The following PEAK1 variants were observed in gnomAD, a reference collection of about 807,000 sequenced individuals.
The protein encoded by PEAK1 is pseudopodium enriched atypical kinase 1.
Under a neutral mutation model 124.7 loss-of-function variants are expected in PEAK1, and 54 were observed. The observed-to-expected ratio is 0.43, with a 90% CI of 0.35 to 0.54. The LOEUF is 0.54. Ranked by LOEUF, PEAK1 falls within the 20% of genes least tolerant of loss-of-function variation. The probability of loss-of-function intolerance (pLI) is 0.01; values close to 1 mark genes in which losing one functional copy is unlikely to be tolerated. For synonymous variants in PEAK1, 719 were observed against 760.0 expected, an observed-to-expected ratio of 0.95 and a Z score of 0.89; for missense variants, 2,046 against 2,134.5, an observed-to-expected ratio of 0.96 and a Z score of 0.82.
chr15:77,155,275 A>G (rs528830338), intron 8 of PEAK1: 3 of 152,268 alleles, frequency 2.0e-5, no homozygotes, highest in East Asian at 1.9e-4. Context: ...AGTTGATCGC[A>G]TCGGCTCCTG....
intron 2 of PEAK1, among the ~76,000 whole-genome samples, chr15:77,341,918 A>G (rs2066559006): frequency 1.3e-5 from 2 of 152,280 alleles, no homozygotes; most frequent in South Asian, 4.2e-4. Context: ...GTAAAAATCT[A>G]AAACTGATCT....
intron 9 of PEAK1, among the ~76,000 whole-genome samples, chr15:77,130,554 G>T (rs1483490202): frequency 6.6e-6 from 1 of 152,188 alleles, no homozygotes; most frequent in African/African-American, 2.4e-5. Context: ...TTGATAGACA[G>T]GTAAGGCCAA....
intron 9 of PEAK1, among the ~76,000 whole-genome samples, chr15:77,120,507 T>C (rs1010230430): frequency 1.3e-5 from 2 of 152,202 alleles, no homozygotes; most frequent in Non-Finnish European, 1.5e-5. Flanking sequence ...GCATCTTCAC[T>C]CCCTATGGCT....
intron 6 of PEAK1, among the ~76,000 whole-genome samples, chr15:77,202,582 C>T (rs538491523): frequency 2.8e-4 from 42 of 151,576 alleles, no homozygotes; most frequent in Admixed American, 7.9e-4. Flanking sequence ...CTGGTTAACA[C>T]GGTGAAACCC....
At position 77,180,039 on chromosome 15, in the gene PEAK1, TAACAATGGGAAC is replaced by T. The variant is rs1477352529; in HGVS notation, c.1876_1887del (p.Val626_Val629del). On this transcript the variant is annotated inframe_deletion, in exon 7 of 10. Transcript: ENST00000682557. ...AGATTGTCATATGCATTTGGATTGATAACAATGGGAACTTTGATAGCATTTTTGGAACTCCGA... is the reference window on the plus strand; with the variant it reads ...AGATTGTCATATGCATTTGGATTGATTTTGATAGCATTTTTGGAACTCCGA... The T allele has an allele frequency of 6.2e-7, 1 of 1,614,080 alleles. No individual in the cohort carries two copies. The highest frequency in any genetic ancestry group is 8.5e-7 in the Non-Finnish European group (1 of 1,179,926).
At position 77,179,167 on chromosome 15, in the gene PEAK1, T is replaced by C; in HGVS notation, c.2760A>G (p.Ala920=). 2 of 1,614,184 alleles carry C rather than the reference T, an allele frequency of 1.2e-6. No homozygotes were observed. Among genetic ancestry groups the C allele is most frequent in the Non-Finnish European group, 1.7e-6 (2 of 1,180,028 alleles). The part of the protein sequence containing the change: ...HSEGSRRAAD[A]KPKRWISFKS... ...TAAATGATATCCAGCGCTTAGGTTTTGCATCAGCTGCCCGCCTGCTGCCTT... is the reference window on the plus strand; with the variant it reads ...TAAATGATATCCAGCGCTTAGGTTTCGCATCAGCTGCCCGCCTGCTGCCTT... The change falls in exon 7 of 10, where the codon GCA becomes GCG. Residue 920 remains alanine, a synonymous_variant. Transcript: ENST00000682557.
intron 6 of PEAK1, among the ~76,000 whole-genome samples, chr15:77,186,932 C>A (rs1444463614): frequency 2.6e-5 from 4 of 152,186 alleles, no homozygotes; most frequent in Non-Finnish European, 4.4e-5. Context: ...TGCTCAACAC[C>A]AACGCTCCCC....
intron 9 of PEAK1, among the ~76,000 whole-genome samples, chr15:77,126,487 T>C (rs2052383400): frequency 6.6e-6 from 1 of 152,190 alleles, no homozygotes; most frequent in South Asian, 2.1e-4. Flanking sequence ...AGAACCTATC[T>C]AATATGCTCA....
At chr15:77,194,476 T>C (rs796425248) in intron 6 of PEAK1, among the ~76,000 whole-genome samples, 38 of 152,342 alleles carry the variant, frequency 2.5e-4, no homozygotes, top group African/African-American at 8.7e-4. Context: ...TGTCCACTCA[T>C]ATAGCAATTG....
chr15:77,313,692 G>GTCTGTATA (rs34603921), intron 2 of PEAK1, among the ~76,000 whole-genome samples: 1 of 98,810 alleles, frequency 1.0e-5, no homozygotes, highest in African/African-American at 4.1e-5. Context: ...GTGTGTGTGT[G>GTCTGTATA]TATATATATA....
intron 3 of PEAK1, among the ~76,000 whole-genome samples, chr15:77,285,703 T>C (rs1049745055): frequency 1.1e-4 from 17 of 152,236 alleles, no homozygotes; most frequent in African/African-American, 4.1e-4. Context: ...AATCATTTGA[T>C]ATCCCCTATG....
chr15:77,166,479 C>G (rs1262511419), intron 7 of PEAK1, among the ~76,000 whole-genome samples: 1 of 152,190 alleles, frequency 6.6e-6, no homozygotes, highest in Admixed American at 6.5e-5. Context: ...CGCTTCTTGC[C>G]TCTACCTGCT....
chr15:77,184,082 G>A (rs897559141), intron 6 of PEAK1, among the ~76,000 whole-genome samples: 5 of 151,500 alleles, frequency 3.3e-5, no homozygotes, highest in African/African-American at 7.3e-5. Context: ...CAGCTGCCTC[G>A]GCCTCCCCAA....
intron 2 of PEAK1, among the ~76,000 whole-genome samples, chr15:77,342,722 T>C (rs2066621365): frequency 1.3e-5 from 2 of 152,220 alleles, no homozygotes; most frequent in African/African-American, 4.8e-5. Context: ...ATATGTCTTT[T>C]TGTGACTGGA....
intron 8 of PEAK1, among the ~76,000 whole-genome samples, chr15:77,146,137 T>C (rs1048632107): frequency 6.6e-6 from 1 of 152,136 alleles, no homozygotes; most frequent in Non-Finnish European, 1.5e-5. Context: ...ACACCATCAC[T>C]GTGCAGCAGC....
chr15:77,291,486 C>A (rs747795073), intron 2 of PEAK1, among the ~76,000 whole-genome samples: 1 of 152,070 alleles, frequency 6.6e-6, no homozygotes, highest in Non-Finnish European at 1.5e-5. Context: ...AAGAAACTGG[C>A]GGCCCACCAA....
chr15:77,282,401 TA>T (rs899003578), intron 5 of PEAK1, among the ~76,000 whole-genome samples: 5 of 152,106 alleles, frequency 3.3e-5, no homozygotes, highest in Non-Finnish European at 7.4e-5. Flanking sequence ...CATGACTCAT[TA>T]AAAAAAATTT....
At chr15:77,333,709 T>C (rs2066027379) in intron 2 of PEAK1, 13 of 971,268 alleles carry the variant, frequency 1.3e-5, no homozygotes, top group South Asian at 9.5e-5. Flanking sequence ...TCCTAATGAA[T>C]TGAAATGGCT....
chr15:77,369,713 G>A (rs2068514727), intron 1 of PEAK1, among the ~76,000 whole-genome samples: 1 of 149,248 alleles, frequency 6.7e-6, no homozygotes, highest in African/African-American at 2.6e-5. Context: ...CTTAGTGGTG[G>A]CTCTGATCCA....
Sources: allele counts gnomAD v4.1 joint callset (sites outside exome capture counted in the v4.1 genomes callset), GRCh38; gene constraint gnomAD v4.1.1; transcripts MANE v1.5; gene names NCBI Gene and HGNC (gene_info 2026-07-23, HGNC 2026-07-21).